CARS2: variants seen among roughly 807,000 people sequenced by gnomAD.
CARS2 encodes the protein cysteinyl-tRNA synthetase 2, mitochondrial, also known as probable cysteine--tRNA ligase, mitochondrial.
A neutral mutation model predicts 68.8 loss-of-function variants in CARS2; 52 were observed. The observed-to-expected ratio is 0.76, with a 90% CI of 0.61 to 0.95. The LOEUF is 0.95. CARS2 is among the 40% of genes least tolerant of loss of function. The probability of loss-of-function intolerance (pLI) is 0.00; values close to 1 mark genes in which losing one functional copy is unlikely to be tolerated. For synonymous variants in CARS2, 314 were observed against 303.6 expected, an observed-to-expected ratio of 1.03 and a Z score of -0.36; for missense variants, 780 against 754.2, an observed-to-expected ratio of 1.03 and a Z score of -0.40.
At position 110,668,023 on chromosome 13, in the gene CARS2, C is replaced by G. The variant is rs999996046; in HGVS notation, c.786-550G>C. Among the ~76,000 whole-genome samples, 2 of 152,210 alleles carry G rather than the reference C, an allele frequency of 1.3e-5. No homozygotes were observed. Among genetic ancestry groups the G allele is most frequent in the Non-Finnish European group, 2.9e-5 (2 of 68,034 alleles). ...GGAAATGAGGCTGGGCCAGCCCACT[C>G]GAAGCTCTGTCCCTGGACCAGCTGC... On this transcript the variant is annotated intron_variant, in intron 7 of 14. Transcript: ENST00000257347. This position sits in a 1 kb window ranked among gnomAD's most constrained non-coding sequence, Gnocchi z 4.1.
intron 6 of CARS2, among the ~76,000 whole-genome samples, chr13:110,680,386 C>A (rs1317582934): frequency 6.6e-6 from 1 of 152,096 alleles, no homozygotes; most frequent in East Asian, 1.9e-4. Context: ...GAGTGAGATT[C>A]CGTCTCAAAA....
rs564448329 is a variant in CARS2, at chr13:110,669,648, G to A, written c.786-2175C>T. 2.9e-4 allele frequency among the ~76,000 whole-genome samples: 44 copies of A among 152,254 alleles called. No individual in the cohort carries two copies. In the South Asian group the frequency reaches 8.7e-3, roughly 30 times the overall value. ...CCAGTCTACAGCTCCCAGCATGAGC[G>A]ACGCAGAAGACGGGTGATTTCTGCA... On this transcript the variant is annotated intron_variant, in intron 7 of 14. Coordinates refer to ENST00000257347, the MANE Select transcript of CARS2 (RefSeq NM_024537.4).
chr13:110,680,966 C>G (rs955768276), intron 6 of CARS2, among the ~76,000 whole-genome samples: 3 of 152,366 alleles, frequency 2.0e-5, no homozygotes, highest in South Asian at 2.1e-4. Flanking sequence ...GGCGTGGGAC[C>G]CGGAGGACTC....
intron 1 of CARS2, among the ~76,000 whole-genome samples, chr13:110,711,749 T>C (rs1248719296): frequency 2.0e-5 from 3 of 152,246 alleles, no homozygotes; most frequent in Non-Finnish European, 2.9e-5. Context: ...CCATTTATCA[T>C]TGCAGCAACG....
chr13:110,648,241 G>A (rs1363463672), intron 10 of CARS2: 1 of 152,170 alleles, frequency 6.6e-6, no homozygotes. Context: ...AACCCACAAA[G>A]CGATCTGACA....
chr13:110,665,137 T>A lies in CARS2; in HGVS notation c.920-1619A>T. 1 of 985,264 alleles carries A rather than the reference T, an allele frequency of 1.0e-6. No homozygotes were observed. The highest frequency in any genetic ancestry group is 1.2e-6 in the Non-Finnish European group (1 of 829,904). The allele number at this position is 985,264 out of a possible 1,614,324, so 61.0% of individuals were successfully genotyped here. ...TGGTATCTTAACAGGTAGTAAAAAA[T>A]CACTGAAAAATAGCCACAAAACTTT... On this transcript the variant is annotated intron_variant, in intron 8 of 14. Coordinates refer to ENST00000257347, the MANE Select transcript of CARS2 (RefSeq NM_024537.4). This position sits in a 1 kb window ranked among gnomAD's most constrained non-coding sequence, Gnocchi z 4.3.
intron 8 of CARS2, chr13:110,664,190 C>A (rs186018342): frequency 2.0e-6 from 2 of 985,388 alleles, no homozygotes; most frequent in African/African-American, 3.5e-5. Flanking sequence ...GACTCTTCCT[C>A]TTTTTCTGAC....
intron 7 of CARS2, among the ~76,000 whole-genome samples, chr13:110,669,746 C>T (rs947735275): frequency 6.6e-6 from 1 of 152,032 alleles, no homozygotes; most frequent in African/African-American, 2.4e-5. Context: ...GAGTGTGAGC[C>T]GAAGCAGGGT....
chr13:110,643,887 G>A (rs1471204006), intron 13 of CARS2: 2 of 274,634 alleles, frequency 7.3e-6, no homozygotes, highest in Non-Finnish European at 1.5e-5. Context: ...GAGAAGGAAT[G>A]TGGAGAAGCC....
chr13:110,650,692 CCATGTTCAGGGGCCG>C (rs1033138768), intron 10 of CARS2: 46 of 256,828 alleles, frequency 1.8e-4, no homozygotes, highest in Non-Finnish European at 1.0e-4. Context: ...TTGAGGGCTC[CCATGTTCAGGGGCCG>C]TGCCAGGCTG....
chr13:110,692,787 T>C (rs2063508739), intron 3 of CARS2, among the ~76,000 whole-genome samples: 1 of 151,636 alleles, frequency 6.6e-6, no homozygotes, highest in Non-Finnish European at 1.5e-5. Flanking sequence ...ACACTCCAGC[T>C]TGGGCAACAG....
intron 8 of CARS2, chr13:110,666,096 G>A (rs140274023): frequency 3.0e-6 from 3 of 985,286 alleles, no homozygotes; most frequent in Non-Finnish European, 3.6e-6. Context: ...CTTGGGCCAC[G>A]GAAGAGAGAC....
At chr13:110,661,373 T>C (rs1402582360) in intron 9 of CARS2, among the ~76,000 whole-genome samples, 2 of 152,352 alleles carry the variant, frequency 1.3e-5, no homozygotes, top group East Asian at 1.9e-4. Flanking sequence ...TTTGCAGCTT[T>C]CTCATCTCTC....
intron 1 of CARS2, chr13:110,712,922 G>A (rs1267903403): frequency 6.4e-6 from 10 of 1,554,480 alleles, no homozygotes; most frequent in Non-Finnish European, 8.7e-6. Context: ...GTGACGGATG[G>A]CGCAGGCGCG....
intron 7 of CARS2, among the ~76,000 whole-genome samples, chr13:110,675,022 C>A (rs1194833529): frequency 2.1e-5 from 2 of 96,678 alleles, no homozygotes; most frequent in Non-Finnish European, 4.1e-5. Context: ...CCATCTCACA[C>A]CAGTTTGAAT....
At chr13:110,649,931 C>CTGTTTTTTTTTTTT (rs1249270267) in intron 10 of CARS2, among the ~76,000 whole-genome samples, 19 of 73,148 alleles carry the variant, frequency 2.6e-4, no homozygotes, top group East Asian at 1.3e-3. Context: ...TGGATAACGA[C>CTGTTTTTTTTTTTT]TTTTTTTTTT....
intron 7 of CARS2, among the ~76,000 whole-genome samples, chr13:110,673,103 C>G (rs2062845031): frequency 6.6e-6 from 1 of 152,146 alleles, no homozygotes; most frequent in Admixed American, 6.5e-5. Flanking sequence ...AAGTCCAGGA[C>G]CAGAAGGATT....
rs1888073554 is a variant in CARS2, at chr13:110,646,069, G to A, written c.1215C>T (p.Ala405=). 9 of 1,613,570 alleles carry A rather than the reference G, an allele frequency of 5.6e-6. No individual in the cohort carries two copies. Among genetic ancestry groups the A allele is most frequent in the Middle Eastern group, 1.6e-4 (1 of 6,068 alleles). ...AATCATCTGCCAAGGCCGCCTTCAC[G>A]GCCCTCTTGGTGCTGGAGAGCCTGA... is the stretch of plus-strand genomic sequence containing the variant. The part of the protein sequence containing the change: ...LWERLSSTKR[A]VKAALADDFD... The change falls in exon 12 of 15, where the codon GCC becomes GCT. Residue 405 remains alanine, a synonymous_variant. Transcript: ENST00000257347.
intron 13 of CARS2, 116 bp downstream of exon 13, chr13:110,644,269 C>T: frequency 7.5e-7 from 1 of 1,331,944 alleles, no homozygotes; most frequent in Non-Finnish European, 1.1e-6. Flanking sequence ...TGTTTTTAAA[C>T]AGGTAAATAC....
Sources: gnomAD v4.1 joint callset for allele counts (sites outside exome capture counted in the v4.1 genomes callset) on GRCh38, gnomAD v4.1.1 for gene constraint, Gnocchi (gnomAD v3.1) non-coding constraint, MANE v1.5 for transcripts, NCBI Gene and HGNC (gene_info 2026-07-23, HGNC 2026-07-21) for gene names.